DNAH17: variants seen among roughly 807,000 people sequenced by gnomAD.
DNAH17 encodes dynein axonemal heavy chain 17.
Under a neutral mutation model 485.6 loss-of-function variants are expected in DNAH17, and 376 were observed. The ratio of observed to expected loss-of-function variants is 0.77; its 90% CI spans 0.71 to 0.84. DNAH17 has a LOEUF of 0.84. Ranked by LOEUF, DNAH17 falls within the 40% of genes least tolerant of loss-of-function variation. The pLI is 0.00. For missense variants in DNAH17, 6,370 were observed against 5,839.3 expected (o/e 1.09, Z -2.96); for synonymous variants, 3,031 against 2,405.9 (o/e 1.26, Z -7.60).
chr17:78,458,665 G>A lies in DNAH17; in HGVS notation c.9877C>T (p.Leu3293=). Residue 3293 remains leucine, a synonymous_variant, in exon 62 of 81, where the codon CTG becomes TTG. Coordinates refer to ENST00000389840, the MANE Select transcript of DNAH17 (RefSeq NM_173628.4). The part of the protein sequence containing the change: ...KNKIAELNAN[L]SNLTSAFEKA... The stretch of plus-strand genomic sequence containing the variant: ...TCAAACGCTGAGGTTAGGTTGCTCA[G>A]GTTGGCGTTAAGTTCCTGCAAAACC... 6.2e-7 allele frequency: 1 copy of A among 1,614,034 alleles called. No individual in the cohort carries two copies. The highest frequency in any genetic ancestry group is 1.1e-5 in the South Asian group (1 of 91,086).
At chr17:78,560,445 C>G (rs539166056) in intron 13 of DNAH17, among the ~76,000 whole-genome samples, 1 of 152,052 alleles carries the variant, frequency 6.6e-6, no homozygotes, top group East Asian at 2.0e-4. Context: ...CCTTGACCAG[C>G]CAGTGCATTT....
At chr17:78,433,906 A>G (rs1277094267) in intron 75 of DNAH17, 123 bp downstream of exon 75, 4 of 880,128 alleles carry the variant, frequency 4.5e-6, no homozygotes, top group South Asian at 1.7e-5. Flanking sequence ...GACAAAGACC[A>G]AAAGGAAAGG....
intron 44 of DNAH17, among the ~76,000 whole-genome samples, chr17:78,487,943 G>A (rs932475631): frequency 3.9e-5 from 6 of 152,196 alleles, no homozygotes; most frequent in Admixed American, 1.3e-4. Context: ...ATTATCCAGC[G>A]TAATAGAGTA....
intron 18 of DNAH17, among the ~76,000 whole-genome samples, 169 bp downstream of exon 18, chr17:78,539,568 G>C (rs1037271817): frequency 6.6e-6 from 1 of 152,144 alleles, no homozygotes; most frequent in Non-Finnish European, 1.5e-5. Context: ...AGGGGATTCT[G>C]GAATGCAGGA....
At chr17:78,481,906 T>C (rs558807083) in intron 48 of DNAH17, among the ~76,000 whole-genome samples, 1 of 151,930 alleles carries the variant, frequency 6.6e-6, no homozygotes, top group Non-Finnish European at 1.5e-5. Flanking sequence ...TCCCAGCTAC[T>C]TGGGAGGCTG....
Position 78,495,885 on chromosome 17 carries a change from C to CT in DNAH17, c.5892dup (p.Ala1965SerfsTer18). 6.2e-7 allele frequency: 1 copy of CT among 1,613,392 alleles called. No individual in the cohort carries two copies. The highest frequency in any genetic ancestry group is 8.5e-7 in the Non-Finnish European group (1 of 1,179,626). Reference sequence around the variant, plus strand: ...ACCTGGGCCACGTACCTGAATAAGGCTTTTAGGTTCTCAGGCAGCTCCGCG... The same window carrying CT: ...ACCTGGGCCACGTACCTGAATAAGGCTTTTTAGGTTCTCAGGCAGCTCCGCG... On this transcript the variant is annotated frameshift_variant, in exon 38 of 81. Transcript: ENST00000389840. LOFTEE classifies it high-confidence loss of function.
chr17:78,486,021 T>C lies in DNAH17; in HGVS notation c.7214A>G (p.Lys2405Arg), dbSNP rs750013725. ...FDYYIDPDTK[K>R]FLPWTDKVPS... ...CACTTTATCTGTCCAGGGCAGGAAC[T>C]TTTTTGTGTCAGGATCAATGTAGTA... The change falls in exon 46 of 81, where the codon AAG becomes AGG. Residue 2405 changes from lysine (K) to arginine (R), a missense_variant. By Grantham distance (26) the Lys-to-Arg change is conservative. Coordinates refer to ENST00000389840, the MANE Select transcript of DNAH17 (RefSeq NM_173628.4). 1 of 1,613,960 alleles carries C rather than the reference T, an allele frequency of 6.2e-7. No homozygotes were observed. The highest frequency in any genetic ancestry group is 1.1e-5 in the South Asian group (1 of 91,078).
chr17:78,541,857 A>G (rs1030670984), intron 17 of DNAH17, among the ~76,000 whole-genome samples: 1 of 152,062 alleles, frequency 6.6e-6, no homozygotes, highest in Non-Finnish European at 1.5e-5. Context: ...TCCAAGTAAC[A>G]TTTTTGCAGT....
intron 38 of DNAH17, 119 bp downstream of exon 38, chr17:78,495,756 G>T: frequency 1.6e-6 from 2 of 1,261,124 alleles, no homozygotes; most frequent in Non-Finnish European, 2.1e-6. Context: ...AGCTTTTGAT[G>T]ACTTCTTCCC....
In DNAH17 at chr17:78,492,742, G is replaced by T. The variant is rs370764200; in HGVS notation, c.6432C>A (p.Thr2144=). 1 of 1,612,558 alleles carries T rather than the reference G, an allele frequency of 6.2e-7. No homozygotes were observed. Among genetic ancestry groups the T allele is most frequent in the Non-Finnish European group, 8.5e-7 (1 of 1,179,334 alleles). The change falls in exon 42 of 81, where the codon ACC becomes ACA. Residue 2144 remains threonine (T), a synonymous_variant. Coordinates refer to ENST00000389840, the MANE Select transcript of DNAH17 (RefSeq NM_173628.4). ...KSQVLKSLNK[T]YQNLKRKPVA... is the part of the protein sequence containing the mutation. ...CCGGCTTCCTCTTCAGGTTCTGATA[G>T]GTCTTGTTGAGGGATTTGAGGACCT...
chr17:78,466,743 C>T lies in DNAH17; in HGVS notation c.8852G>A (p.Cys2951Tyr), dbSNP rs1440901839. The T allele has an allele frequency of 1.2e-6, 2 of 1,612,450 alleles. No homozygotes were observed. The highest frequency in any genetic ancestry group is 1.7e-6 in the Non-Finnish European group (2 of 1,179,416). The change falls in exon 56 of 81, where the codon TGC becomes TAC. Residue 2951 changes from cysteine (C) to tyrosine (Y), a missense_variant. Cys to Tyr is a radical substitution (Grantham distance 194). Transcript: ENST00000389840. ...CTCGTGGAACCAGTCGATGGCCGTGCAGTTGACCACAGCTGGGAACTTTCT... is the reference window on the plus strand; with the variant it reads ...CTCGTGGAACCAGTCGATGGCCGTGTAGTTGACCACAGCTGGGAACTTTCT... ...RARKFPAVVN[C>Y]TAIDWFHEWP...
Position 78,459,837 on chromosome 17 carries a change from G to T in DNAH17, c.9600C>A (p.Ser3200=), listed in dbSNP as rs766030113. The part of the protein sequence containing the change: ...MMGKVDTFLD[S]LKKFDKEHIP... Reference sequence around the variant, plus strand: ...TGTGCTCCTTGTCGAACTTCTTCAGGGAGTCTAGGAAGGTGTCCACCTTGC... The same window carrying T: ...TGTGCTCCTTGTCGAACTTCTTCAGTGAGTCTAGGAAGGTGTCCACCTTGC... Residue 3200 remains serine (S), a synonymous_variant, in exon 60 of 81, where the codon TCC becomes TCA. Coordinates refer to ENST00000389840, the MANE Select transcript of DNAH17 (RefSeq NM_173628.4). 1 of 1,613,898 alleles carries T rather than the reference G, an allele frequency of 6.2e-7. No homozygotes were observed. Among genetic ancestry groups the T allele is most frequent in the Non-Finnish European group, 8.5e-7 (1 of 1,179,896 alleles).
intron 27 of DNAH17, 55 bp from the exon 28 acceptor site, chr17:78,507,860 G>T: frequency 1.4e-6 from 2 of 1,437,818 alleles, no homozygotes; most frequent in Non-Finnish European, 1.9e-6. Context: ...CAAAGCTCAG[G>T]CAGGACCCAG....
At chr17:78,542,511 T>C (rs969894337) in intron 17 of DNAH17, among the ~76,000 whole-genome samples, 3 of 152,200 alleles carry the variant, frequency 2.0e-5, no homozygotes, top group Non-Finnish European at 4.4e-5. Flanking sequence ...ACCTTTCACA[T>C]TCTCCTCAGA....
intron 58 of DNAH17, among the ~76,000 whole-genome samples, chr17:78,460,840 C>T (rs1363048544): frequency 6.6e-6 from 1 of 152,162 alleles, no homozygotes; most frequent in South Asian, 2.1e-4. Context: ...ATAGCTCACA[C>T]CCCTCTAAGA....
intron 71 of DNAH17, among the ~76,000 whole-genome samples, chr17:78,444,184 A>C (rs2087183141): frequency 6.6e-6 from 1 of 152,168 alleles, no homozygotes; most frequent in Non-Finnish European, 1.5e-5. Context: ...AACATCTTAA[A>C]AGGACCCCAT....
chr17:78,564,481 A>G (rs1473313), intron 11 of DNAH17, among the ~76,000 whole-genome samples: 68,872 of 151,346 alleles, frequency 0.46, 16,187 homozygotes, highest in African/African-American at 0.56. Context: ...CCCAGCCCAT[A>G]AGCCTGTGCC....
intron 16 of DNAH17, among the ~76,000 whole-genome samples, chr17:78,545,628 C>T (rs2091739775): frequency 6.6e-6 from 1 of 152,204 alleles, no homozygotes. Context: ...CAAGACCCAT[C>T]ACAGCAGGGA....
At chr17:78,564,872 T>C (rs999012353) in intron 11 of DNAH17, among the ~76,000 whole-genome samples, 23 of 152,058 alleles carry the variant, frequency 1.5e-4, no homozygotes, top group African/African-American at 5.1e-4. Context: ...CTGGGGGCAT[T>C]TGAGTGGAAG....
Sources: gnomAD v4.1 joint callset for allele counts (sites outside exome capture counted in the v4.1 genomes callset) on GRCh38, gnomAD v4.1.1 for gene constraint, MANE v1.5 for transcripts, NCBI Gene and HGNC (gene_info 2026-07-23, HGNC 2026-07-21) for gene names.